The following TMEM87B variants were observed in gnomAD, a reference collection of about 807,000 sequenced individuals.
TMEM87B encodes transmembrane protein 87B.
TMEM87B carries 83 observed loss-of-function variants against 80.3 expected under a neutral mutation model. The ratio of observed to expected loss-of-function variants is 1.03; its 90% CI spans 0.87 to 1.24. The LOEUF (loss-of-function observed/expected upper bound fraction) is 1.24, where lower values mean the gene tolerates loss of function less well. TMEM87B is among the 50% of genes most tolerant of loss of function. The probability of loss-of-function intolerance (pLI) is 0.00; values close to 1 mark genes in which losing one functional copy is unlikely to be tolerated. For synonymous variants in TMEM87B, 219 were observed against 230.5 expected, an observed-to-expected ratio of 0.95 and a Z score of 0.45; for missense variants, 625 against 674.4, an observed-to-expected ratio of 0.93 and a Z score of 0.81.
chr2:112,070,909 C>T (rs1179584350), intron 4 of TMEM87B, among the ~76,000 whole-genome samples: 1 of 151,734 alleles, frequency 6.6e-6, no homozygotes, highest in African/African-American at 2.4e-5. Flanking sequence ...GCAACCTCCA[C>T]CTCCCGGGTT....
rs1044819541 is a variant in TMEM87B, at chr2:112,117,455, A to G, written c.*1312A>G. 6.6e-6 allele frequency: 1 copy of G among 152,262 alleles called. No homozygotes were observed. Among genetic ancestry groups the G allele is most frequent in the South Asian group, 2.1e-4 (1 of 4,818 alleles). 9.4% of individuals were successfully genotyped at this position (152,262 alleles called of 1,614,324 possible). A position where few individuals can be genotyped will look rare whatever the true frequency, so the allele number is the denominator to read the frequency against. On this transcript the variant is annotated 3_prime_UTR_variant, in exon 19 of 19. Transcript: ENST00000283206. The stretch of plus-strand genomic sequence containing the variant: ...AGCAATTTTTTTTCTTTTTCTTTCA[A>G]AAGCCTACCTTCTGAATTTATTTCT...
At chr2:112,099,722 C>A (rs949553928) in intron 14 of TMEM87B, among the ~76,000 whole-genome samples, 1 of 150,330 alleles carries the variant, frequency 6.7e-6, no homozygotes, top group Non-Finnish European at 1.5e-5. Flanking sequence ...CAAAAAAATA[C>A]AAAAATTAGC....
At chr2:112,061,122 G>C (rs1466738692) in intron 2 of TMEM87B, among the ~76,000 whole-genome samples, 1 of 152,146 alleles carries the variant, frequency 6.6e-6, no homozygotes. Context: ...GTTGATAAAA[G>C]TTAAAATATT....
At chr2:112,092,197 C>T (rs1679324008) in intron 11 of TMEM87B, among the ~76,000 whole-genome samples, 2 of 152,094 alleles carry the variant, frequency 1.3e-5, no homozygotes, top group South Asian at 2.1e-4. Context: ...GAGATGGCAA[C>T]ATTTAAATTG....
At chr2:112,057,729 G>T (rs998792617) in intron 1 of TMEM87B, among the ~76,000 whole-genome samples, 2 of 152,048 alleles carry the variant, frequency 1.3e-5, no homozygotes, top group African/African-American at 4.8e-5. Flanking sequence ...ACAGATTTAT[G>T]AGTAGATAGT....
At chr2:112,074,873 G>A in intron 4 of TMEM87B, 39 bp from the exon 5 acceptor site, 5 of 1,498,074 alleles carry the variant, frequency 3.3e-6, no homozygotes, top group Non-Finnish European at 4.4e-6. Flanking sequence ...CCGTAGAAAT[G>A]CAGCAGTATA....
At chr2:112,092,857 T>C (rs927137374) in intron 11 of TMEM87B, among the ~76,000 whole-genome samples, 17 of 152,208 alleles carry the variant, frequency 1.1e-4, no homozygotes, top group African/African-American at 3.4e-4. Flanking sequence ...AAAATGTGAC[T>C]GACCAGAGTG....
rs745326378 is a variant in TMEM87B at position 112,081,561 on chromosome 2, T to C, written c.838+43T>C. On this transcript the variant is annotated intron_variant, in intron 8 of 18. Transcript: ENST00000283206. ...CTGTAAATATAGTATGATCTAAGAG[T>C]TCCCCAGTATTTATGAGCAGAGCAG... is the stretch of plus-strand genomic sequence containing the variant. 3 of 1,541,162 alleles carry C rather than the reference T, an allele frequency of 1.9e-6. No individual in the cohort carries two copies. The South Asian group carries it at 3.7e-5, about 19-fold the overall frequency.
intron 1 of TMEM87B, among the ~76,000 whole-genome samples, chr2:112,058,358 A>T (rs1387751717): frequency 6.6e-6 from 1 of 152,192 alleles, no homozygotes; most frequent in Non-Finnish European, 1.5e-5. Flanking sequence ...CATTAAGCAC[A>T]GTGAGCTAAG....
At position 112,098,765 on chromosome 2, in the gene TMEM87B, C is replaced by A. The variant is rs560039430; in HGVS notation, c.1376+67C>A. The A allele has an allele frequency of 6.2e-6, 9 of 1,448,464 alleles. No homozygotes were observed. In the East Asian group the frequency reaches 1.6e-4, roughly 26 times the overall value. The allele number at this position is 1,448,464 out of a possible 1,614,324, so 89.7% of individuals were successfully genotyped here. A position where few individuals can be genotyped will look rare whatever the true frequency, so the allele number is the denominator to read the frequency against. On this transcript the variant is annotated intron_variant, in intron 14 of 18. Transcript: ENST00000283206. ...ATCACCTTCTATAGTGTCAAGAACA[C>A]GTTTATAGAAACCAGGAGAATAGTC...
chr2:112,098,785 A>C, intron 14 of TMEM87B, 87 bp downstream of exon 14: 1 of 1,303,934 alleles, frequency 7.7e-7, no homozygotes, highest in Non-Finnish European at 1.1e-6. Flanking sequence ...AACCAGGAGA[A>C]TAGTCGTTGC....
chr2:112,111,250 A>G (rs1679910142), intron 17 of TMEM87B, among the ~76,000 whole-genome samples: 1 of 152,182 alleles, frequency 6.6e-6, no homozygotes, highest in Admixed American at 6.5e-5. Context: ...GGTGGCCACC[A>G]TTATTTTCCA....
At chr2:112,084,614 A>G (rs1679092865) in intron 8 of TMEM87B, among the ~76,000 whole-genome samples, 1 of 151,948 alleles carries the variant, frequency 6.6e-6, no homozygotes, top group African/African-American at 2.4e-5. Flanking sequence ...GCATTTGACA[A>G]GGTCTCTTGT....
At chr2:112,098,843 A>G (rs928886090) in intron 14 of TMEM87B, 145 bp downstream of exon 14, 2 of 722,102 alleles carry the variant, frequency 2.8e-6, no homozygotes, top group Admixed American at 2.7e-5. Context: ...AACAAATGCA[A>G]GACAGTGAAA....
intron 8 of TMEM87B, among the ~76,000 whole-genome samples, 169 bp from the exon 9 acceptor site, chr2:112,085,836 C>G (rs1333718163): frequency 1.3e-5 from 2 of 152,180 alleles, no homozygotes; most frequent in Non-Finnish European, 2.9e-5. Flanking sequence ...AGTATGAATC[C>G]TTCACTGAAG....
At chr2:112,097,492 C>T (rs998425160) in intron 13 of TMEM87B, among the ~76,000 whole-genome samples, 3 of 151,914 alleles carry the variant, frequency 2.0e-5, no homozygotes, top group South Asian at 2.1e-4. Flanking sequence ...TCTGGGAGGC[C>T]GAGGCAGGCG....
chr2:112,092,734 T>G lies in TMEM87B; in HGVS notation c.1104+951T>G, dbSNP rs549043031. 2.1e-4 allele frequency among the ~76,000 whole-genome samples: 32 copies of G among 152,276 alleles called. 1 individual carries two copies. The South Asian group carries it at 6.2e-3, about 30-fold the overall frequency. The stretch of plus-strand genomic sequence containing the variant: ...ATTGCAGGAGAAGTTTTAGAGGCAG[T>G]AAGTACTGGATCCTCGAGGGTCTTC... On this transcript the variant is annotated intron_variant, in intron 11 of 18. Transcript: ENST00000283206.
intron 1 of TMEM87B, among the ~76,000 whole-genome samples, 173 bp downstream of exon 1, chr2:112,055,929 T>A (rs1377791682): frequency 6.6e-6 from 1 of 152,070 alleles, no homozygotes; most frequent in African/African-American, 2.4e-5. Flanking sequence ...GAGCGGCCCC[T>A]CCTCCGGCCC....
At chr2:112,062,958 T>A (rs1340123420) in intron 2 of TMEM87B, among the ~76,000 whole-genome samples, 2 of 152,176 alleles carry the variant, frequency 1.3e-5, no homozygotes, top group Non-Finnish European at 2.9e-5. Flanking sequence ...CTCCAGGGGA[T>A]CACTATGCAG....
Sources: allele counts gnomAD v4.1 joint callset (sites outside exome capture counted in the v4.1 genomes callset), GRCh38; gene constraint gnomAD v4.1.1; transcripts MANE v1.5; gene names NCBI Gene and HGNC (gene_info 2026-07-23, HGNC 2026-07-21).